Variants in GRIK2 observed in about 807,000 individuals in gnomAD.
The protein encoded by GRIK2 is glutamate ionotropic receptor kainate type subunit 2.
In GRIK2, 32 loss-of-function variants were observed where a neutral mutation model predicts 100.3. That is an observed-to-expected ratio of 0.32 (90% CI 0.24 to 0.43). The LOEUF is 0.43. Among genes scored for constraint, GRIK2 ranks in the 20% least tolerant of loss-of-function variants. The probability of loss-of-function intolerance (pLI) is 1.00; values close to 1 mark genes in which losing one functional copy is unlikely to be tolerated. For missense variants in GRIK2, 843 were observed against 1,114.9 expected, an observed-to-expected ratio of 0.76 and a Z score of 3.47; for synonymous variants, 417 against 389.4, an observed-to-expected ratio of 1.07 and a Z score of -0.83.
intron 2 of GRIK2, among the ~76,000 whole-genome samples, chr6:101,439,413 G>A (rs543974683): frequency 6.6e-6 from 1 of 152,228 alleles, no homozygotes; most frequent in Non-Finnish European, 1.5e-5. Context: ...CATTACACAA[G>A]TATTATCTCA....
chr6:101,595,898 T>G (rs1212616965), intron 2 of GRIK2, among the ~76,000 whole-genome samples: 1 of 151,186 alleles, frequency 6.6e-6, no homozygotes, highest in Non-Finnish European at 1.5e-5. Context: ...TTCCTATGTG[T>G]TTTATACCCT....
chr6:101,421,353 G>T (rs192962335), intron 2 of GRIK2, among the ~76,000 whole-genome samples: 1 of 152,308 alleles, frequency 6.6e-6, no homozygotes, highest in Admixed American at 6.5e-5. Flanking sequence ...GTAGAAGTTG[G>T]CTTAGGGTTT....
intron 14 of GRIK2, among the ~76,000 whole-genome samples, chr6:102,008,953 C>T (rs915750957): frequency 6.6e-6 from 1 of 151,894 alleles, no homozygotes; most frequent in African/African-American, 2.4e-5. Context: ...AAAGAACAAA[C>T]TTTTTAGTGT....
intron 12 of GRIK2, among the ~76,000 whole-genome samples, chr6:101,898,049 T>G (rs1189260944): frequency 6.6e-6 from 1 of 151,848 alleles, no homozygotes; most frequent in East Asian, 1.9e-4. Flanking sequence ...AGTAGCCAGA[T>G]TATATTTGAG....
At position 102,058,151 on chromosome 6, in the gene GRIK2, C is replaced by G. The variant is rs1462954387; in HGVS notation, c.2562+2571C>G. 2.6e-5 allele frequency among the ~76,000 whole-genome samples: 4 copies of G among 151,924 alleles called. No homozygotes were observed. The East Asian group carries it at 7.8e-4, about 30-fold the overall frequency. ...TTTCAGCATTAAGTCTAGATATCTTCACGCTGCGAACCCCTAAGCACATCT... is the reference window on the plus strand; with the variant it reads ...TTTCAGCATTAAGTCTAGATATCTTGACGCTGCGAACCCCTAAGCACATCT... On this transcript the variant is annotated intron_variant, in intron 16 of 16. Transcript: ENST00000369134.
At chr6:101,539,021 A>G (rs1414557516) in intron 2 of GRIK2, among the ~76,000 whole-genome samples, 2 of 151,654 alleles carry the variant, frequency 1.3e-5, no homozygotes, top group Non-Finnish European at 3.0e-5. Context: ...TGTTGAAAAA[A>G]AAAGAGAATT....
intron 14 of GRIK2, among the ~76,000 whole-genome samples, chr6:101,998,409 C>A (rs1794758067): frequency 6.6e-6 from 1 of 151,994 alleles, no homozygotes; most frequent in Non-Finnish European, 1.5e-5. Context: ...TTATCTTAGT[C>A]TATGACTTGT....
chr6:101,789,344 A>C (rs1055222655), intron 7 of GRIK2, among the ~76,000 whole-genome samples: 1 of 152,194 alleles, frequency 6.6e-6, no homozygotes, highest in Non-Finnish European at 1.5e-5. Context: ...TTCAGGTCTA[A>C]CATTTAAGTC....
chr6:101,474,206 T>TA (rs1772106013), intron 2 of GRIK2, among the ~76,000 whole-genome samples: 1 of 151,912 alleles, frequency 6.6e-6, no homozygotes. Context: ...GGTGTTACTA[T>TA]TATTCTATCA....
rs572026995 is a variant in GRIK2, at chr6:101,712,582, A to C, written c.951+26229A>C. ...TGCAATACGTATTTTATTTTTTTCTAATAAGGTATTGATTTTTGTTACAGA... is the reference window on the plus strand; with the variant it reads ...TGCAATACGTATTTTATTTTTTTCTCATAAGGTATTGATTTTTGTTACAGA... On this transcript the variant is annotated intron_variant, in intron 7 of 16. Coordinates refer to ENST00000369134, the MANE Select transcript of GRIK2 (RefSeq NM_021956.5). Among the ~76,000 whole-genome samples the C allele has an allele frequency of 2.6e-5, 4 of 151,886 alleles. No homozygotes were observed. The South Asian group carries it at 6.2e-4, about 24-fold the overall frequency.
At chr6:101,871,347 A>AT (rs1462852364) in intron 11 of GRIK2, among the ~76,000 whole-genome samples, 3 of 151,718 alleles carry the variant, frequency 2.0e-5, no homozygotes, top group South Asian at 2.1e-4. Flanking sequence ...TTATATATTT[A>AT]TTTTTTTAAA....
chr6:101,844,721 A>C (rs1343592872), intron 10 of GRIK2, among the ~76,000 whole-genome samples: 1 of 152,192 alleles, frequency 6.6e-6, no homozygotes, highest in African/African-American at 2.4e-5. Context: ...ATATCATAGC[A>C]ATTTGAGGAC....
In GRIK2 at chr6:101,903,067, A is replaced by G. The variant is rs151101481; in HGVS notation, c.1748+13204A>G. 2.7e-3 allele frequency among the ~76,000 whole-genome samples: 405 copies of G among 152,006 alleles called. 3 individuals are homozygous for G. Among genetic ancestry groups the G allele is most frequent in the African/African-American group, 8.8e-3 (366 of 41,556 alleles). The stretch of plus-strand genomic sequence containing the variant: ...TACCCATTGAAAGGCCAGGCATTTT[A>G]TCTGTATCCCAGGCTGGGAAGAAGG... On this transcript the variant is annotated intron_variant, in intron 12 of 16. Transcript: ENST00000369134.
At chr6:102,001,710 T>TGCTGGCACTTTTCCAGC (rs1794951624) in intron 14 of GRIK2, among the ~76,000 whole-genome samples, 1 of 152,086 alleles carries the variant, frequency 6.6e-6, no homozygotes, top group Non-Finnish European at 1.5e-5. Context: ...TCTGGTCGTG[T>TGCTGGCACTTTTCCAGC]AGTGCTACTG....
chr6:102,035,498 G>A lies in GRIK2; in HGVS notation c.2243G>A (p.Arg748Gln), dbSNP rs767506745. 43 of 1,609,900 alleles carry A rather than the reference G, an allele frequency of 2.7e-5. No homozygotes were observed. The highest frequency in any genetic ancestry group is 4.5e-5 in the East Asian group (2 of 44,784). ...ACAACCATCGAGTTTGTTACCCAGC[G>A]GAACTGTAACCTGACACAGATTGGC... ...ESTTIEFVTQ[R>Q]NCNLTQIGGL... The change falls in exon 15 of 17, where the codon CGG (arginine) becomes CAG (glutamine). Residue 748 changes from arginine (R) to glutamine (Q), a missense_variant. Around this residue, in one of 3 missense-constraint regions of GRIK2, gnomAD observed 237 missense variants for 388.0 expected, o/e 0.61. Coordinates refer to ENST00000369134, the MANE Select transcript of GRIK2 (RefSeq NM_021956.5).
At chr6:102,026,237 G>C (rs1318146794) in intron 14 of GRIK2, among the ~76,000 whole-genome samples, 1 of 148,542 alleles carries the variant, frequency 6.7e-6, no homozygotes, top group East Asian at 2.0e-4. Context: ...AACAAGCAAC[G>C]AGAATAAATT....
chr6:101,580,890 G>A (rs1025557784), intron 2 of GRIK2, among the ~76,000 whole-genome samples: 6 of 151,974 alleles, frequency 3.9e-5, no homozygotes, highest in African/African-American at 1.2e-4. Flanking sequence ...CCTTCTCAGT[G>A]ATGATTTGCA....
chr6:101,578,863 C>G (rs1457988072), intron 2 of GRIK2, among the ~76,000 whole-genome samples: 1 of 152,054 alleles, frequency 6.6e-6, no homozygotes, highest in Non-Finnish European at 1.5e-5. Context: ...AAATTCCATC[C>G]ATTGAGATGC....
intron 10 of GRIK2, among the ~76,000 whole-genome samples, chr6:101,830,237 A>G (rs768769790): frequency 1.1e-4 from 16 of 152,068 alleles, no homozygotes; most frequent in Non-Finnish European, 2.2e-4. Context: ...CAAGAATGAA[A>G]CTGGACCACT....
Sources: gnomAD v4.1 joint callset for allele counts (sites outside exome capture counted in the v4.1 genomes callset) on GRCh38, gnomAD v4.1.1 for gene constraint, gnomAD v4.1.1 regional missense constraint, MANE v1.5 for transcripts, NCBI Gene and HGNC (gene_info 2026-07-23, HGNC 2026-07-21) for gene names.